BMPER: variants seen among roughly 807,000 people sequenced by gnomAD.
BMPER encodes BMP-binding endothelial regulator protein.
In BMPER, 45 loss-of-function variants were observed where a neutral mutation model predicts 87.3. The observed-to-expected ratio is 0.52, with a 90% CI of 0.41 to 0.66. The LOEUF is 0.66. Ranked by LOEUF, BMPER falls within the 30% of genes least tolerant of loss-of-function variation. BMPER has a pLI of 0.00. For missense variants in BMPER, 784 were observed against 867.5 expected, an observed-to-expected ratio of 0.90 and a Z score of 1.21; for synonymous variants, 326 against 316.2, an observed-to-expected ratio of 1.03 and a Z score of -0.33.
intron 3 of BMPER, among the ~76,000 whole-genome samples, chr7:33,938,494 C>T (rs1784665499): frequency 6.6e-6 from 1 of 152,088 alleles, no homozygotes; most frequent in South Asian, 2.1e-4. Context: ...AGTGATGCTG[C>T]CACCAGCTTA....
chr7:34,022,096 A>T (rs1173372139), intron 6 of BMPER, among the ~76,000 whole-genome samples: 1 of 152,160 alleles, frequency 6.6e-6, no homozygotes, highest in Admixed American at 6.6e-5. Context: ...GCTTAATGAA[A>T]GGTGTACCAG....
intron 13 of BMPER, among the ~76,000 whole-genome samples, chr7:34,142,361 A>G (rs1265581153): frequency 6.6e-6 from 1 of 152,186 alleles, no homozygotes; most frequent in Admixed American, 6.5e-5. Context: ...GGAACAAGAA[A>G]CTGTATTATG....
intron 14 of BMPER, 56 bp downstream of exon 14, chr7:34,143,416 G>A: frequency 4.4e-6 from 7 of 1,608,560 alleles, no homozygotes; most frequent in Non-Finnish European, 5.9e-6. Context: ...GCCCAAGATG[G>A]CAATGGAGGA....
At chr7:33,951,269 A>G (rs1209906419) in intron 3 of BMPER, among the ~76,000 whole-genome samples, 1 of 151,860 alleles carries the variant, frequency 6.6e-6, no homozygotes, top group African/African-American at 2.4e-5. Flanking sequence ...GCTGGTCTTG[A>G]ACTCCTGACC....
chr7:34,094,699 A>G (rs1396528362), intron 13 of BMPER, among the ~76,000 whole-genome samples: 1 of 152,172 alleles, frequency 6.6e-6, no homozygotes, highest in Non-Finnish European at 1.5e-5. Context: ...GCCCCTGATT[A>G]TTCCCCCATG....
intron 11 of BMPER, among the ~76,000 whole-genome samples, chr7:34,076,581 T>TACAA: frequency 6.6e-6 from 1 of 152,334 alleles, no homozygotes. Flanking sequence ...TTTTATGGAT[T>TACAA]GTATTACAAA....
chr7:34,017,261 A>ATGAATCAC (rs1787050415), intron 6 of BMPER, among the ~76,000 whole-genome samples: 1 of 151,872 alleles, frequency 6.6e-6, no homozygotes, highest in Non-Finnish European at 1.5e-5. Flanking sequence ...TTGGTCTGTT[A>ATGAATCAC]TGAATCACGA....
intron 2 of BMPER, among the ~76,000 whole-genome samples, chr7:33,930,441 C>T (rs192704464): frequency 7.2e-5 from 11 of 152,296 alleles, no homozygotes; most frequent in Admixed American, 3.9e-4. Flanking sequence ...TGGGCTATCT[C>T]AGGGCCCCCC....
chr7:33,909,678 T>C (rs373625774), intron 2 of BMPER, among the ~76,000 whole-genome samples: 2 of 22,902 alleles, frequency 8.7e-5, no homozygotes, highest in African/African-American at 4.4e-4. Context: ...TCATAACATG[T>C]ACAAAAAAAA....
intron 13 of BMPER, among the ~76,000 whole-genome samples, chr7:34,095,999 C>T (rs1789520646): frequency 6.6e-6 from 1 of 151,992 alleles, no homozygotes; most frequent in South Asian, 2.1e-4. Flanking sequence ...GATGAGGTTT[C>T]CCTTGTAAAT....
chr7:33,945,314 A>G (rs1228642618), intron 3 of BMPER, among the ~76,000 whole-genome samples: 3 of 134,658 alleles, frequency 2.2e-5, no homozygotes, highest in African/African-American at 8.6e-5. Flanking sequence ...GCAGTGGTGC[A>G]ATCTTGGCTC....
At chr7:34,125,626 A>C (rs895352567) in intron 13 of BMPER, among the ~76,000 whole-genome samples, 6 of 152,228 alleles carry the variant, frequency 3.9e-5, no homozygotes, top group African/African-American at 1.4e-4. Context: ...ACCTTACTGC[A>C]GTGCTTCCTA....
intron 10 of BMPER, 34 bp downstream of exon 10, chr7:34,058,197 C>T (rs754791797): frequency 3.0e-5 from 47 of 1,584,004 alleles, no homozygotes; most frequent in Non-Finnish European, 3.7e-5. Context: ...TTTACCTTAG[C>T]GTCTTGAGAA....
At chr7:33,927,660 T>C (rs1784391932) in intron 2 of BMPER, among the ~76,000 whole-genome samples, 1 of 152,096 alleles carries the variant, frequency 6.6e-6, no homozygotes, top group Admixed American at 6.5e-5. Flanking sequence ...CTAATATTAT[T>C]ACCACTTTTA....
Position 33,921,874 on chromosome 7 carries a change from C to T in BMPER, c.219+14971C>T, listed in dbSNP as rs181481727. 1.8e-4 allele frequency: 83 copies of T among 470,636 alleles called. 1 individual carries two copies. The East Asian group carries it at 4.6e-3, about 26-fold the overall frequency. The allele number at this position is 470,636 out of a possible 1,614,324, so 29.2% of individuals were successfully genotyped here. Reference sequence around the variant, plus strand: ...ATCTGGAGGAACCAGACGCAAACAACGCAGAGTTGAGGGCCAGGTGAAGCG... The same window carrying T: ...ATCTGGAGGAACCAGACGCAAACAATGCAGAGTTGAGGGCCAGGTGAAGCG... On this transcript the variant is annotated intron_variant, in intron 2 of 14. Transcript: ENST00000649409.
At chr7:34,131,380 G>T (rs188759248) in intron 13 of BMPER, among the ~76,000 whole-genome samples, 3 of 152,160 alleles carry the variant, frequency 2.0e-5, no homozygotes, top group Non-Finnish European at 4.4e-5. Context: ...GAGCCAAAAG[G>T]CACGGCAGAT....
intron 6 of BMPER, among the ~76,000 whole-genome samples, chr7:33,981,994 A>G (rs1341531616): frequency 6.6e-6 from 1 of 152,210 alleles, no homozygotes; most frequent in Non-Finnish European, 1.5e-5. Context: ...AGAGCTTTTA[A>G]AAGAGGAGAA....
At chr7:34,016,174 T>C (rs1474210706) in intron 6 of BMPER, among the ~76,000 whole-genome samples, 1 of 151,902 alleles carries the variant, frequency 6.6e-6, no homozygotes, top group African/African-American at 2.4e-5. Context: ...TATTTTATCC[T>C]CTCTCCAGGA....
At chr7:34,084,001 TAAAA>T (rs57825100) in intron 12 of BMPER, among the ~76,000 whole-genome samples, 5 of 122,738 alleles carry the variant, frequency 4.1e-5, no homozygotes, top group Non-Finnish European at 5.2e-5. Flanking sequence ...AGGAAAGATT[TAAAA>T]AAAAAAAAAA....
Sources: allele counts gnomAD v4.1 joint callset (sites outside exome capture counted in the v4.1 genomes callset), GRCh38; gene constraint gnomAD v4.1.1; transcripts MANE v1.5; gene names NCBI Gene and HGNC (gene_info 2026-07-23, HGNC 2026-07-21).